Variants in TAFA2 observed in about 807,000 individuals in gnomAD.
TAFA2 encodes TAFA chemokine like family member 2.
A neutral mutation model predicts 18.8 loss-of-function variants in TAFA2; 7 were observed. The observed-to-expected ratio is 0.37, with a 90% CI of 0.21 to 0.70. TAFA2 has a LOEUF of 0.70. Ranked by LOEUF, TAFA2 falls within the 30% of genes least tolerant of loss-of-function variation. TAFA2 has a pLI of 0.53. For synonymous variants in TAFA2, 60 were observed against 54.2 expected (o/e 1.11, Z -0.47); for missense variants, 122 against 158.1 (o/e 0.77, Z 1.23).
chr12:62,210,549 A>C (rs2062709081), intron 1 of TAFA2, among the ~76,000 whole-genome samples: 1 of 152,216 alleles, frequency 6.6e-6, no homozygotes, highest in African/African-American at 2.4e-5. Context: ...GGCAGATGCT[A>C]ACATTTTTAG....
At chr12:62,176,041 AT>A (rs1478233393) in intron 1 of TAFA2, among the ~76,000 whole-genome samples, 5 of 152,138 alleles carry the variant, frequency 3.3e-5, no homozygotes, top group Non-Finnish European at 7.4e-5. Flanking sequence ...TATTAAAGAC[AT>A]CCATAAACTT....
intron 1 of TAFA2, among the ~76,000 whole-genome samples, chr12:61,956,631 T>TAA (rs34261945): frequency 0.095 from 13,592 of 142,730 alleles, 1,652 homozygotes; most frequent in African/African-American, 0.28. Flanking sequence ...TTTGTTTTGT[T>TAA]AAAAAAAAAA....
chr12:61,815,970 C>A (rs1872067614), intron 2 of TAFA2, among the ~76,000 whole-genome samples: 1 of 150,888 alleles, frequency 6.6e-6, no homozygotes, highest in African/African-American at 2.5e-5. Flanking sequence ...GGGAGAAGCA[C>A]TATAGGGAAA....
chr12:61,925,634 A>C (rs550664276), intron 1 of TAFA2, among the ~76,000 whole-genome samples: 1 of 152,354 alleles, frequency 6.6e-6, no homozygotes, highest in South Asian at 2.1e-4. Context: ...TATAGCACTA[A>C]GTGCCCACAG....
chr12:61,996,645 C>T (rs1880198930), intron 1 of TAFA2, among the ~76,000 whole-genome samples: 1 of 152,130 alleles, frequency 6.6e-6, no homozygotes, highest in Non-Finnish European at 1.5e-5. Context: ...CAGTTGTAAG[C>T]AGATCAAAAA....
intron 1 of TAFA2, among the ~76,000 whole-genome samples, chr12:62,093,737 C>T (rs1250056072): frequency 6.6e-6 from 1 of 151,920 alleles, no homozygotes; most frequent in Non-Finnish European, 1.5e-5. Flanking sequence ...TCTTTATTGC[C>T]CTCAGAGGGC....
chr12:62,159,724 G>A lies in TAFA2; in HGVS notation c.-2+31535C>T, dbSNP rs565049546. Among the ~76,000 whole-genome samples the A allele has an allele frequency of 2.0e-5, 3 of 152,092 alleles. No homozygotes were observed. The East Asian group carries it at 5.8e-4, about 29-fold the overall frequency. Reference sequence around the variant, plus strand: ...GGACTTGGGGGAAGAGTGGGAGGGGGATGAGGGATAAAAGACTACAAATAT... The same window carrying A: ...GGACTTGGGGGAAGAGTGGGAGGGGAATGAGGGATAAAAGACTACAAATAT... On this transcript the variant is annotated intron_variant, in intron 1 of 4. Coordinates refer to ENST00000416284, the MANE Select transcript of TAFA2 (RefSeq NM_178539.5).
chr12:62,183,224 C>T lies in TAFA2; in HGVS notation c.-2+8035G>A, dbSNP rs2062563560. 4.6e-5 allele frequency among the ~76,000 whole-genome samples: 7 copies of T among 152,188 alleles called. No homozygotes were observed. In the South Asian group the frequency reaches 1.4e-3, roughly 32 times the overall value. On this transcript the variant is annotated intron_variant, in intron 1 of 4. Transcript: ENST00000416284. ...TACCTGTTCCCCCACCCCACAACCA[C>T]CACATGAGGGTCTAGTAAGATGGTG...
At chr12:61,916,278 T>C (rs540024669) in intron 1 of TAFA2, among the ~76,000 whole-genome samples, 38 of 152,336 alleles carry the variant, frequency 2.5e-4, no homozygotes, top group Admixed American at 7.2e-4. Flanking sequence ...GCTCTAAAAC[T>C]GCAGCTGACT....
Position 62,119,661 on chromosome 12 carries a change from G to A in TAFA2, c.-2+71598C>T, listed in dbSNP as rs192082653. ...TAACCTGTACCTTATAGATAAGTAG[G>A]TCACAAATGAAGAAAAGGCACACCA... On this transcript the variant is annotated intron_variant, in intron 1 of 4. Transcript: ENST00000416284. Among the ~76,000 whole-genome samples, 4 of 152,220 alleles carry A rather than the reference G, an allele frequency of 2.6e-5. No individual in the cohort carries two copies. In the East Asian group the frequency reaches 5.8e-4, roughly 22 times the overall value.
At chr12:61,945,046 A>G (rs1205615594) in intron 1 of TAFA2, among the ~76,000 whole-genome samples, 1 of 149,890 alleles carries the variant, frequency 6.7e-6, no homozygotes, top group African/African-American at 2.5e-5. Context: ...CACTGATGCA[A>G]AAATCCTCAA....
chr12:61,982,190 C>T (rs1440042289), intron 1 of TAFA2, among the ~76,000 whole-genome samples: 3 of 152,072 alleles, frequency 2.0e-5, no homozygotes, highest in Non-Finnish European at 4.4e-5. Flanking sequence ...TATCACAGGA[C>T]AGAAAACCAA....
At chr12:61,900,057 T>C (rs959927927) in intron 1 of TAFA2, among the ~76,000 whole-genome samples, 1 of 152,198 alleles carries the variant, frequency 6.6e-6, no homozygotes, top group Non-Finnish European at 1.5e-5. Flanking sequence ...ATTTTCACAG[T>C]TGTATAATCC....
chr12:61,757,681 G>A (rs553544839), intron 2 of TAFA2, among the ~76,000 whole-genome samples: 5 of 152,108 alleles, frequency 3.3e-5, no homozygotes, highest in East Asian at 1.9e-4. Flanking sequence ...CAAGAAGACC[G>A]ATAAGGAGCT....
At chr12:62,170,537 T>C (rs78462177) in intron 1 of TAFA2, among the ~76,000 whole-genome samples, 3,400 of 152,308 alleles carry the variant, frequency 0.022, 144 homozygotes, top group African/African-American at 0.076. Context: ...GCCAGAGTTA[T>C]GTGTGTGTTT....
At chr12:61,905,220 T>C (rs770366164) in intron 1 of TAFA2, among the ~76,000 whole-genome samples, 1 of 152,174 alleles carries the variant, frequency 6.6e-6, no homozygotes, top group South Asian at 2.1e-4. Flanking sequence ...CTTAAGAAGA[T>C]AGTTTCTTAT....
intron 1 of TAFA2, among the ~76,000 whole-genome samples, chr12:62,125,033 C>A (rs1193124164): frequency 6.6e-6 from 1 of 152,112 alleles, no homozygotes; most frequent in African/African-American, 2.4e-5. Flanking sequence ...CAAGTCAACT[C>A]TTCTAAGCAC....
At chr12:62,057,820 T>C (rs1380823197) in intron 1 of TAFA2, among the ~76,000 whole-genome samples, 1 of 143,664 alleles carries the variant, frequency 7.0e-6, no homozygotes, top group African/African-American at 2.5e-5. Context: ...TAATTAGACA[T>C]TGTTTTTATT....
intron 1 of TAFA2, among the ~76,000 whole-genome samples, chr12:62,079,590 G>A (rs1868289024): frequency 6.6e-6 from 1 of 151,854 alleles, no homozygotes. Context: ...CTTGAACCAG[G>A]GAAGTAGAGG....
Sources: allele counts gnomAD v4.1 joint callset (sites outside exome capture counted in the v4.1 genomes callset), GRCh38; gene constraint gnomAD v4.1.1; transcripts MANE v1.5; gene names NCBI Gene and HGNC (gene_info 2026-07-23, HGNC 2026-07-21).